Variants in TP63 observed in about 807,000 individuals in gnomAD.
TP63 encodes tumor protein p63.
TP63 carries 17 observed loss-of-function variants against 82.8 expected under a neutral mutation model. That is an observed-to-expected ratio of 0.21 (90% confidence interval 0.14 to 0.31). The LOEUF (loss-of-function observed/expected upper bound fraction) is 0.31. TP63 is among the 10% of genes least tolerant of loss of function. The pLI is 1.00. For synonymous variants in TP63, 330 were observed against 321.7 expected, an observed-to-expected ratio of 1.03 and a Z score of -0.28; for missense variants, 648 against 895.3, an observed-to-expected ratio of 0.72 and a Z score of 3.52.
chr3:189,891,426 C>T (rs918345577), intron 13 of TP63, among the ~76,000 whole-genome samples: 8 of 152,148 alleles, frequency 5.3e-5, no homozygotes, highest in African/African-American at 9.7e-5. Context: ...GAGATTCAGC[C>T]GTTCCTCTCA....
intron 1 of TP63, among the ~76,000 whole-genome samples, chr3:189,677,020 G>C (rs980635153): frequency 8.7e-5 from 10 of 115,226 alleles, no homozygotes; most frequent in Admixed American, 2.5e-4. Flanking sequence ...CTATTATTCT[G>C]CTCTCTATGT....
chr3:189,702,482 A>C (rs1577267889), intron 1 of TP63, among the ~76,000 whole-genome samples: 1 of 152,168 alleles, frequency 6.6e-6, no homozygotes, highest in African/African-American at 2.4e-5. Context: ...TACAGCTTTA[A>C]ATTCTTTACT....
intron 1 of TP63, among the ~76,000 whole-genome samples, chr3:189,734,187 T>C: frequency 6.9e-6 from 1 of 143,982 alleles, no homozygotes; most frequent in African/African-American, 2.6e-5. Context: ...TTTTTTTTTT[T>C]TGAGACAGAA....
intron 12 of TP63, 56 bp downstream of exon 12, chr3:189,889,540 A>G: frequency 6.2e-7 from 1 of 1,611,610 alleles, no homozygotes; most frequent in Non-Finnish European, 8.5e-7. Flanking sequence ...GGGATGGTGG[A>G]GGGCGGATAC....
intron 1 of TP63, among the ~76,000 whole-genome samples, chr3:189,719,946 C>G (rs931375323): frequency 6.6e-6 from 1 of 152,160 alleles, no homozygotes; most frequent in Non-Finnish European, 1.5e-5. Context: ...CATTTAATCT[C>G]ATTTATTCTG....
chr3:189,649,700 A>G (rs551447038), intron 1 of TP63, among the ~76,000 whole-genome samples: 10 of 146,930 alleles, frequency 6.8e-5, no homozygotes, highest in African/African-American at 2.3e-4. Context: ...TAAGAGACTC[A>G]ATGAATTCAA....
chr3:189,878,374 T>TTTA (rs1479096246), intron 10 of TP63, among the ~76,000 whole-genome samples: 2 of 148,092 alleles, frequency 1.4e-5, no homozygotes, highest in African/African-American at 4.9e-5. Context: ...TACACAAGCT[T>TTTA]TTACAGTTTC....
intron 3 of TP63, among the ~76,000 whole-genome samples, chr3:189,784,270 T>C (rs1465182363): frequency 6.6e-6 from 1 of 152,082 alleles, no homozygotes; most frequent in Non-Finnish European, 1.5e-5. Context: ...AGTGGTAAAA[T>C]ACTGTTATTA....
chr3:189,876,162 G>A (rs925564264), intron 10 of TP63, among the ~76,000 whole-genome samples: 1 of 152,104 alleles, frequency 6.6e-6, no homozygotes, highest in African/African-American at 2.4e-5. Context: ...AGTTTCCATG[G>A]ATCATATGAG....
intron 9 of TP63, among the ~76,000 whole-genome samples, chr3:189,871,783 A>G (rs959192113): frequency 3.9e-5 from 6 of 152,098 alleles, no homozygotes; most frequent in Non-Finnish European, 8.8e-5. Context: ...GTGTAGTGGC[A>G]GGATCATGGT....
chr3:189,728,654 C>T (rs910677810), intron 1 of TP63, among the ~76,000 whole-genome samples: 1 of 152,172 alleles, frequency 6.6e-6, no homozygotes, highest in Non-Finnish European at 1.5e-5. Flanking sequence ...TTAATACACT[C>T]ACAGTTGTGC....
At chr3:189,715,928 A>T (rs1266429773) in intron 1 of TP63, among the ~76,000 whole-genome samples, 3 of 152,170 alleles carry the variant, frequency 2.0e-5, no homozygotes, top group African/African-American at 7.2e-5. Context: ...AGGGATGTGG[A>T]TTTCACTTTC....
chr3:189,875,619 T>TATATATATACAC (rs1719051756), intron 10 of TP63, among the ~76,000 whole-genome samples: 1 of 103,346 alleles, frequency 9.7e-6, no homozygotes, highest in Non-Finnish European at 2.0e-5. Flanking sequence ...TATATATATA[T>TATATATATACAC]ATATATATAT....
intron 10 of TP63, among the ~76,000 whole-genome samples, chr3:189,881,973 G>C (rs983940896): frequency 4.8e-5 from 7 of 145,650 alleles, no homozygotes; most frequent in African/African-American, 1.8e-4. Context: ...CTTATGTTTT[G>C]AGCCCTGAAT....
chr3:189,726,742 C>T (rs1361866041), intron 1 of TP63, among the ~76,000 whole-genome samples: 1 of 152,148 alleles, frequency 6.6e-6, no homozygotes, highest in East Asian at 1.9e-4. Context: ...CAAATATTAG[C>T]CCAGTGATCT....
chr3:189,858,789 A>G (rs1309176257), intron 4 of TP63, among the ~76,000 whole-genome samples: 1 of 152,180 alleles, frequency 6.6e-6, no homozygotes, highest in South Asian at 2.1e-4. Flanking sequence ...AAAAAATAAA[A>G]AAAGAAATCC....
At position 189,894,547 on chromosome 3, in the gene TP63, C is replaced by A. The variant is rs34057105; in HGVS notation, c.*45C>A. The A allele has an allele frequency of 6.2e-7, 1 of 1,605,522 alleles. No homozygotes were observed. The highest frequency in any genetic ancestry group is 1.1e-5 in the South Asian group (1 of 90,658). On this transcript the variant is annotated 3_prime_UTR_variant, in exon 14 of 14. Coordinates refer to ENST00000264731, the MANE Select transcript of TP63 (RefSeq NM_003722.5). ...TCCTATCCCTCTCCTAACTGCCAGCCCCCTAAAAGCACTCCTGCTTAATCT... is the reference window on the plus strand; with the variant it reads ...TCCTATCCCTCTCCTAACTGCCAGCACCCTAAAAGCACTCCTGCTTAATCT...
intron 1 of TP63, among the ~76,000 whole-genome samples, chr3:189,658,265 G>C (rs1713565241): frequency 6.6e-6 from 1 of 152,010 alleles, no homozygotes; most frequent in Non-Finnish European, 1.5e-5. Flanking sequence ...ACACTAATAT[G>C]AATAAATTAT....
intron 1 of TP63, among the ~76,000 whole-genome samples, chr3:189,725,547 C>T (rs972500331): frequency 8.6e-5 from 13 of 151,942 alleles, no homozygotes; most frequent in African/African-American, 2.4e-4. Context: ...ATTTTACTAC[C>T]AAGAGTTGGA....
Sources: allele counts gnomAD v4.1 joint callset (sites outside exome capture counted in the v4.1 genomes callset), GRCh38; gene constraint gnomAD v4.1.1; transcripts MANE v1.5; gene names NCBI Gene and HGNC (gene_info 2026-07-23, HGNC 2026-07-21).